The following ADAMTSL1 variants were observed in gnomAD, a reference collection of about 807,000 sequenced individuals.
The protein encoded by ADAMTSL1 is ADAMTS-like protein 1.
ADAMTSL1 carries 126 observed loss-of-function variants against 201.8 expected under a neutral mutation model. That is an observed-to-expected ratio of 0.62 (90% confidence interval 0.54 to 0.72). The LOEUF (loss-of-function observed/expected upper bound fraction) is 0.72. ADAMTSL1 is among the 30% of genes least tolerant of loss of function. The pLI, the probability that ADAMTSL1 is intolerant of heterozygous loss-of-function variation, is 0.00. For missense variants in ADAMTSL1, 2,679 were observed against 2,277.8 expected, an observed-to-expected ratio of 1.18 and a Z score of -3.59; for synonymous variants, 1,121 against 903.4, an observed-to-expected ratio of 1.24 and a Z score of -4.32.
chr9:18,628,327 C>T (rs10811000), intron 5 of ADAMTSL1, among the ~76,000 whole-genome samples: 21,253 of 151,990 alleles, frequency 0.14, 1,622 homozygotes, highest in Admixed American at 0.21. Context: ...CTTCCAGTAC[C>T]ATTTGTTGAA....
intron 2 of ADAMTSL1, among the ~76,000 whole-genome samples, chr9:18,279,577 G>A (rs868524668): frequency 8.3e-4 from 125 of 151,310 alleles, no homozygotes; most frequent in African/African-American, 2.5e-3. Flanking sequence ...TTCACCAATC[G>A]GGGAAACATG....
chr9:18,435,168 C>T (rs1819671046), intron 2 of ADAMTSL1, among the ~76,000 whole-genome samples: 1 of 152,288 alleles, frequency 6.6e-6, no homozygotes, highest in Admixed American at 6.5e-5. Flanking sequence ...GCTTATTGCT[C>T]ACACAGTTAT....
intron 1 of ADAMTSL1, among the ~76,000 whole-genome samples, chr9:17,926,967 T>C (rs949783170): frequency 3.3e-5 from 5 of 152,190 alleles, no homozygotes; most frequent in Non-Finnish European, 5.9e-5. Context: ...GTGAAGTACA[T>C]TTATGTTGTT....
At chr9:18,614,909 T>G (rs1825604779) in intron 4 of ADAMTSL1, among the ~76,000 whole-genome samples, 2 of 152,170 alleles carry the variant, frequency 1.3e-5, no homozygotes, top group Admixed American at 1.3e-4. Flanking sequence ...CCTATGGGCC[T>G]TGTGTTTTGG....
chr9:18,109,184 T>C (rs1324096040), intron 1 of ADAMTSL1, among the ~76,000 whole-genome samples: 1 of 152,208 alleles, frequency 6.6e-6, no homozygotes, highest in African/African-American at 2.4e-5. Context: ...TAAATTCTAA[T>C]AATCTTTCCT....
At chr9:18,626,734 C>G (rs1484104981) in intron 5 of ADAMTSL1, among the ~76,000 whole-genome samples, 1 of 152,166 alleles carries the variant, frequency 6.6e-6, no homozygotes, top group African/African-American at 2.4e-5. Flanking sequence ...ATGACAATGG[C>G]TTGGACTGTA....
chr9:18,253,324 C>G (rs1436660076), intron 2 of ADAMTSL1, among the ~76,000 whole-genome samples: 1 of 152,144 alleles, frequency 6.6e-6, no homozygotes, highest in Non-Finnish European at 1.5e-5. Context: ...ATGGAGATGA[C>G]TAATTTCTCC....
chr9:18,754,733 C>T (rs1160438664), intron 16 of ADAMTSL1, among the ~76,000 whole-genome samples: 1 of 152,136 alleles, frequency 6.6e-6, no homozygotes, highest in East Asian at 1.9e-4. Flanking sequence ...GAATCAAATA[C>T]TGATGAATAA....
At chr9:17,924,257 G>A (rs1158526752) in intron 1 of ADAMTSL1, among the ~76,000 whole-genome samples, 3 of 151,976 alleles carry the variant, frequency 2.0e-5, no homozygotes, top group African/African-American at 7.3e-5. Context: ...TCTGGTCCTG[G>A]ACTCTTTTTG....
At chr9:18,136,497 G>C (rs1213505106) in intron 1 of ADAMTSL1, among the ~76,000 whole-genome samples, 1 of 152,074 alleles carries the variant, frequency 6.6e-6, no homozygotes, top group African/African-American at 2.4e-5. Flanking sequence ...TGTGTAAACA[G>C]GTACAGAATG....
intron 2 of ADAMTSL1, among the ~76,000 whole-genome samples, chr9:18,434,896 T>G (rs144516628): frequency 3.0e-4 from 46 of 152,334 alleles, no homozygotes; most frequent in African/African-American, 1.0e-3. Context: ...TGTATGTGAT[T>G]CTTCGACTGG....
chr9:18,584,950 T>A (rs1823383658), intron 4 of ADAMTSL1, among the ~76,000 whole-genome samples: 1 of 152,226 alleles, frequency 6.6e-6, no homozygotes, highest in African/African-American at 2.4e-5. Context: ...GGTATTTTGT[T>A]ATAACAGCAC....
At chr9:18,802,303 T>C (rs4977442) in intron 20 of ADAMTSL1, among the ~76,000 whole-genome samples, 29,693 of 151,946 alleles carry the variant, frequency 0.2, 3,187 homozygotes, top group Non-Finnish European at 0.22. Flanking sequence ...TGTGCATCCA[T>C]CACCACACTC....
At chr9:18,863,650 G>C (rs1298527888) in intron 23 of ADAMTSL1, among the ~76,000 whole-genome samples, 1 of 152,104 alleles carries the variant, frequency 6.6e-6, no homozygotes, top group Non-Finnish European at 1.5e-5. Context: ...ATTCCTCTCA[G>C]CCAGCTGCTT....
chr9:18,144,815 T>G (rs1826558418), intron 1 of ADAMTSL1, among the ~76,000 whole-genome samples: 1 of 152,058 alleles, frequency 6.6e-6, no homozygotes, highest in South Asian at 2.1e-4. Context: ...TTCAGGTGAG[T>G]ACTCCTGCCA....
At chr9:18,409,499 A>G (rs1563941378) in intron 2 of ADAMTSL1, among the ~76,000 whole-genome samples, 1 of 151,758 alleles carries the variant, frequency 6.6e-6, no homozygotes, top group Non-Finnish European at 1.5e-5. Flanking sequence ...CTAATCATAT[A>G]CTTCCATTTG....
intron 2 of ADAMTSL1, among the ~76,000 whole-genome samples, chr9:18,250,265 A>C (rs956352411): frequency 6.6e-6 from 1 of 152,162 alleles, no homozygotes; most frequent in African/African-American, 2.4e-5. Context: ...CTGGAAGATG[A>C]CTAAGGGTCT....
At chr9:18,561,070 T>C (rs1368195721) in intron 3 of ADAMTSL1, among the ~76,000 whole-genome samples, 1 of 152,072 alleles carries the variant, frequency 6.6e-6, no homozygotes, top group Non-Finnish European at 1.5e-5. Context: ...TGTTCCTGTT[T>C]TGAAATCCGT....
At chr9:18,064,473 T>A (rs777623940) in intron 1 of ADAMTSL1, among the ~76,000 whole-genome samples, 2 of 152,192 alleles carry the variant, frequency 1.3e-5, no homozygotes, top group African/African-American at 4.8e-5. Context: ...AGGCTATCTA[T>A]AGGAACATAA....
Sources: gnomAD v4.1 joint callset for allele counts (sites outside exome capture counted in the v4.1 genomes callset) on GRCh38, gnomAD v4.1.1 for gene constraint, MANE v1.5 for transcripts, NCBI Gene and HGNC (gene_info 2026-07-23, HGNC 2026-07-21) for gene names.